Variants in EPS8L2 observed in about 807,000 individuals in gnomAD.
The protein encoded by EPS8L2 is epidermal growth factor receptor kinase substrate 8-like protein 2.
A neutral mutation model predicts 99.4 loss-of-function variants in EPS8L2; 81 were observed. The observed-to-expected ratio is 0.82, with a 90% CI of 0.68 to 0.98. The LOEUF is 0.98. Ranked by LOEUF, EPS8L2 falls within the 50% of genes least tolerant of loss-of-function variation. The probability of loss-of-function intolerance (pLI) is 0.00; values close to 1 mark genes in which losing one functional copy is unlikely to be tolerated. For missense variants in EPS8L2, 1,155 were observed against 968.8 expected (o/e 1.19, Z -2.55); for synonymous variants, 509 against 407.3 (o/e 1.25, Z -3.01).
In EPS8L2 at chr11:709,369, A is replaced by C. The variant is rs752240676; in HGVS notation, c.-39A>C. On this transcript the variant is annotated 5_prime_UTR_variant, in exon 2 of 21. Transcript: ENST00000318562. ...CTGGCCTCAGACCGGGGCCACACTG[A>C]GGTCTGCCCTTCTCCCGCTGGCCGC... 11 of 1,557,576 alleles carry C rather than the reference A, an allele frequency of 7.1e-6. No individual in the cohort carries two copies. Among genetic ancestry groups the C allele is most frequent in the Non-Finnish European group, 8.7e-6 (10 of 1,151,934 alleles).
rs58318581 is a variant in EPS8L2 at position 722,879 on chromosome 11, T to C, written c.1341+74T>C. 6.1e-4 allele frequency: 424 copies of C among 695,012 alleles called. 2 individuals are homozygous for C. The Middle Eastern group carries it at 8.9e-3, about 15-fold the overall frequency. 43.1% of individuals were successfully genotyped at this position (695,012 alleles called of 1,614,324 possible). On this transcript the variant is annotated intron_variant, in intron 14 of 20. Transcript: ENST00000318562. ...CCTCACCAGAGCTCCCCCCCAGCCC[T>C]GACACCCACCCCTCCCCAGAGCTCC...
chr11:708,321 C>G (rs1319947979), intron 1 of EPS8L2, among the ~76,000 whole-genome samples: 9 of 152,312 alleles, frequency 5.9e-5, no homozygotes, highest in South Asian at 2.1e-4. Flanking sequence ...TCCATCCCCC[C>G]GGGAAGCCCC....
rs1165800382 is a variant in EPS8L2, at chr11:718,754, C to T, written c.166-1308C>T. 3.3e-5 allele frequency among the ~76,000 whole-genome samples: 5 copies of T among 151,372 alleles called. No individual in the cohort carries two copies. In the East Asian group the frequency reaches 5.8e-4, roughly 18 times the overall value. On this transcript the variant is annotated intron_variant, in intron 4 of 20. Coordinates refer to ENST00000318562, the MANE Select transcript of EPS8L2 (RefSeq NM_022772.4). ...CACGATCTTGATTCACTGCAAGCTCCGCCTCCTGGGTTCACGCCATTCTCC... is the reference window on the plus strand; with the variant it reads ...CACGATCTTGATTCACTGCAAGCTCTGCCTCCTGGGTTCACGCCATTCTCC...
chr11:721,331 T>C lies in EPS8L2; in HGVS notation c.747T>C (p.Ala249=), dbSNP rs778717748. ...ESQEEPRAVL[A]QKIEKETQIL... is the part of the protein sequence containing the mutation. ...AGGAGGAGCCGCGGGCCGTGCTGGCTCAGAAGATAGAGAAGGAGACGGTGG... is the reference window on the plus strand; with the variant it reads ...AGGAGGAGCCGCGGGCCGTGCTGGCCCAGAAGATAGAGAAGGAGACGGTGG... Residue 249 remains alanine, a synonymous_variant, in exon 9 of 21, where the codon GCT becomes GCC. Transcript: ENST00000318562. 25 of 1,539,336 alleles carry C rather than the reference T, an allele frequency of 1.6e-5. No homozygotes were observed. The highest frequency in any genetic ancestry group is 2.0e-5 in the Non-Finnish European group (23 of 1,146,470).
In EPS8L2 at chr11:721,999, C is replaced by A. The variant is rs368834685; in HGVS notation, c.984+8C>A. On this transcript the variant is annotated splice_region_variant and intron_variant, in intron 11 of 20. Coordinates refer to ENST00000318562, the MANE Select transcript of EPS8L2 (RefSeq NM_022772.4). ...CTGGCGATTAACTTGCTGGTGGGTCCGGTGGCCCCAGCCCTGCCCCACTGT... is the reference window on the plus strand; with the variant it reads ...CTGGCGATTAACTTGCTGGTGGGTCAGGTGGCCCCAGCCCTGCCCCACTGT... 8.1e-6 allele frequency: 13 copies of A among 1,605,914 alleles called. No homozygotes were observed. The African/African-American group carries it at 9.4e-5, about 12-fold the overall frequency.
Position 724,730 on chromosome 11 carries a change from C to A in EPS8L2, c.1461C>A (p.Tyr487Ter), listed in dbSNP as rs1862270112. The A allele has an allele frequency of 6.2e-7, 1 of 1,612,606 alleles. No homozygotes were observed. Among genetic ancestry groups the A allele is most frequent in the Non-Finnish European group, 8.5e-7 (1 of 1,179,460 alleles). ...CCCCTCCTGTTCCTCACAGGGGCTA[C>A]CAGCCAACACCAGCCATGGCCAAGT... ...PVSSPHTHRG[Y>*]QPTPAMAKYV... The change falls in exon 16 of 21, where the codon TAC becomes TAA. Residue 487 changes from tyrosine (Y) to a stop codon, truncating the protein, a stop_gained. Transcript: ENST00000318562. LOFTEE classifies it high-confidence loss of function. This position sits in a 1 kb window ranked among gnomAD's most constrained non-coding sequence, Gnocchi z 5.5.
intron 1 of EPS8L2, chr11:706,849 G>A: frequency 6.5e-6 from 1 of 153,096 alleles, no homozygotes. Context: ...GGGAGGAGGG[G>A]AGGCTGGGAC....
chr11:710,522 G>A (rs1402028742), intron 4 of EPS8L2, 36 bp downstream of exon 4: 3 of 1,584,052 alleles, frequency 1.9e-6, no homozygotes, highest in African/African-American at 1.3e-5. Flanking sequence ...CCGCCCCCAG[G>A]GAGCACCCTC....
At chr11:722,947 C>G in intron 14 of EPS8L2, 142 bp downstream of exon 14, 7 of 533,648 alleles carry the variant, frequency 1.3e-5, no homozygotes, top group African/African-American at 2.5e-5. Flanking sequence ...GCTCCCCTCC[C>G]CAGCCCCGAC....
At chr11:712,322 G>A (rs1052337169) in intron 4 of EPS8L2, among the ~76,000 whole-genome samples, 11 of 151,778 alleles carry the variant, frequency 7.2e-5, no homozygotes, top group East Asian at 1.9e-4. Flanking sequence ...GCCTGGGTAC[G>A]AGCTGGGCTC....
At chr11:715,370 C>T (rs556643813) in intron 4 of EPS8L2, among the ~76,000 whole-genome samples, 1 of 152,298 alleles carries the variant, frequency 6.6e-6, no homozygotes, top group East Asian at 1.9e-4. Flanking sequence ...AATCCCCTCT[C>T]CTGCCTGTAA....
intron 4 of EPS8L2, among the ~76,000 whole-genome samples, chr11:713,590 G>A (rs2133506673): frequency 6.6e-6 from 1 of 152,312 alleles, no homozygotes; most frequent in East Asian, 1.9e-4. Context: ...TGTCACCTAG[G>A]CTGGAGTGCG....
Position 722,760 on chromosome 11 carries a change from G to A in EPS8L2, c.1296G>A (p.Glu432=). The A allele has an allele frequency of 6.2e-7, 1 of 1,603,500 alleles. No homozygotes were observed. Among genetic ancestry groups the A allele is most frequent in the Non-Finnish European group, 8.5e-7 (1 of 1,176,270 alleles). ...AGCCTCCTGTGGATGTGCTGCAGGAGGCCCCCTGGGAGGTGGAGGGGCTGG... is the reference window on the plus strand; with the variant it reads ...AGCCTCCTGTGGATGTGCTGCAGGAAGCCCCCTGGGAGGTGGAGGGGCTGG... ...GWEPPVDVLQ[E]APWEVEGLAS... is the part of the protein sequence containing the mutation. Residue 432 remains glutamate, a synonymous_variant, in exon 14 of 21, where the codon GAG becomes GAA. Coordinates refer to ENST00000318562, the MANE Select transcript of EPS8L2 (RefSeq NM_022772.4).
At position 721,226 on chromosome 11, in the gene EPS8L2, G is replaced by T; in HGVS notation, c.700+20G>T. On this transcript the variant is annotated intron_variant, in intron 8 of 20. Transcript: ENST00000318562. The stretch of plus-strand genomic sequence containing the variant: ...AGCCAGGTGGGCCGAGGGGCTGGAG[G>T]GGGCTCCACAGGGCTCGTTGTGGGG... The T allele has an allele frequency of 6.5e-7, 1 of 1,533,934 alleles. No individual in the cohort carries two copies.
In EPS8L2 at chr11:709,316, T is replaced by C; in HGVS notation, c.-78-14T>C. 1 of 1,438,420 alleles carries C rather than the reference T, an allele frequency of 7.0e-7. No homozygotes were observed. Among genetic ancestry groups the C allele is most frequent in the Non-Finnish European group, 9.5e-7 (1 of 1,050,878 alleles). The allele number at this position is 1,438,420 out of a possible 1,614,324, so 89.1% of individuals were successfully genotyped here. ...GCCGGAGGAAGTGTCAGCGCAGCCC[T>C]TCTGTCCACCCAGGTGTGGGACAGG... is the stretch of plus-strand genomic sequence containing the variant. On this transcript the variant is annotated splice_polypyrimidine_tract_variant and intron_variant, in intron 1 of 20. Transcript: ENST00000318562.
rs367974076 is a variant in EPS8L2 at position 727,237 on chromosome 11, G to A, written c.*256G>A. On this transcript the variant is annotated 3_prime_UTR_variant, in exon 21 of 21. Transcript: ENST00000318562. Reference sequence around the variant, plus strand: ...CAGCCCCTTGTCCACCTTCTCTTGAGGCCACAGAACTCCCTGGGGCTGGGG... The same window carrying A: ...CAGCCCCTTGTCCACCTTCTCTTGAAGCCACAGAACTCCCTGGGGCTGGGG... The A allele has an allele frequency of 2.9e-4, 106 of 368,130 alleles. No homozygotes were observed. In the East Asian group the frequency reaches 4.0e-3, roughly 14 times the overall value. 22.8% of individuals were successfully genotyped at this position (368,130 alleles called of 1,614,324 possible).
intron 5 of EPS8L2, 91 bp downstream of exon 5, chr11:720,314 C>G: frequency 7.2e-7 from 1 of 1,393,598 alleles, no homozygotes; most frequent in Non-Finnish European, 9.9e-7. Context: ...CCGGTCCTCT[C>G]TGCAGGGCCG....
Position 710,453 on chromosome 11 carries a change from C to G in EPS8L2, c.132C>G (p.Val44=), listed in dbSNP as rs750589182. 6.2e-7 allele frequency: 1 copy of G among 1,613,764 alleles called. No homozygotes were observed. Among genetic ancestry groups the G allele is most frequent in the Non-Finnish European group, 8.5e-7 (1 of 1,179,978 alleles). Residue 44 remains valine, a synonymous_variant, in exon 4 of 21, where the codon GTC becomes GTG. Transcript: ENST00000318562. ...EQRKKYSNSN[V]IMHETSQYHV... is the part of the protein sequence containing the mutation. ...GGAAGAAGTATTCCAACTCCAACGT[C>G]ATCATGCACGAGACCTCGCAGTACC... is the stretch of plus-strand genomic sequence containing the variant.
intron 16 of EPS8L2, 99 bp from the exon 17 acceptor site, chr11:725,629 G>A: frequency 1.7e-6 from 2 of 1,148,694 alleles, no homozygotes; most frequent in South Asian, 4.0e-5. Flanking sequence ...GGCTCCGGGA[G>A]ACCCTAGGGC....
Sources: allele counts gnomAD v4.1 joint callset (sites outside exome capture counted in the v4.1 genomes callset), GRCh38; gene constraint gnomAD v4.1.1; non-coding constraint Gnocchi (gnomAD v3.1); transcripts MANE v1.5; gene names NCBI Gene and HGNC (gene_info 2026-07-23, HGNC 2026-07-21).